GPC5: variants seen among roughly 807,000 people sequenced by gnomAD.
GPC5 encodes glypican-5.
A neutral mutation model predicts 53.9 loss-of-function variants in GPC5; 47 were observed. The observed-to-expected ratio is 0.87, with a 90% confidence interval of 0.69 to 1.11. The LOEUF (loss-of-function observed/expected upper bound fraction) is 1.11, where lower values mean the gene tolerates loss of function less well. GPC5 is among the 50% of genes most tolerant of loss of function. The pLI, the probability that GPC5 is intolerant of heterozygous loss-of-function variation, is 0.00. For synonymous variants in GPC5, 286 were observed against 263.3 expected (o/e 1.09, Z -0.84); for missense variants, 748 against 713.1 (o/e 1.05, Z -0.56).
intron 7 of GPC5, among the ~76,000 whole-genome samples, chr13:92,650,428 C>T (rs1390684137): frequency 6.6e-6 from 1 of 152,094 alleles, no homozygotes; most frequent in African/African-American, 2.4e-5. Context: ...TCACTTAATA[C>T]AAACATGCTT....
At chr13:91,659,444 C>A (rs1031155126) in intron 2 of GPC5, among the ~76,000 whole-genome samples, 1 of 152,098 alleles carries the variant, frequency 6.6e-6, no homozygotes, top group African/African-American at 2.4e-5. Flanking sequence ...TAATGCCAGG[C>A]AGATGGTTGG....
chr13:92,741,072 G>C (rs977843451), intron 7 of GPC5, among the ~76,000 whole-genome samples: 1 of 150,138 alleles, frequency 6.7e-6, no homozygotes, highest in African/African-American at 2.5e-5. Flanking sequence ...TAAAATGTTG[G>C]TGCATGCTAT....
chr13:92,607,398 A>G (rs1280642639), intron 7 of GPC5, among the ~76,000 whole-genome samples: 1 of 152,164 alleles, frequency 6.6e-6, no homozygotes, highest in Admixed American at 6.5e-5. Flanking sequence ...AATAATTTCT[A>G]TTTAGGAAGA....
At chr13:92,318,543 C>T (rs745791287) in intron 7 of GPC5, among the ~76,000 whole-genome samples, 1 of 151,988 alleles carries the variant, frequency 6.6e-6, no homozygotes, top group East Asian at 1.9e-4. Context: ...GTTAAGTATA[C>T]CTAATTTTTT....
chr13:92,770,922 A>G (rs1480998895), intron 7 of GPC5, among the ~76,000 whole-genome samples: 1 of 152,134 alleles, frequency 6.6e-6, no homozygotes, highest in Non-Finnish European at 1.5e-5. Flanking sequence ...TTCATGGGGA[A>G]GATACTCCTC....
At chr13:92,549,731 G>A (rs1025446247) in intron 7 of GPC5, among the ~76,000 whole-genome samples, 2 of 151,920 alleles carry the variant, frequency 1.3e-5, no homozygotes, top group Non-Finnish European at 2.9e-5. Flanking sequence ...TAAGGAGAAA[G>A]TATCCTTCCA....
At chr13:92,370,631 A>C (rs142265307) in intron 7 of GPC5, among the ~76,000 whole-genome samples, 170 of 152,294 alleles carry the variant, frequency 1.1e-3, no homozygotes, top group Middle Eastern at 3.4e-3. Context: ...ATGATTGAAA[A>C]AATAGTAAAT....
intron 7 of GPC5, among the ~76,000 whole-genome samples, chr13:92,155,763 T>A (rs200405530): frequency 6.6e-6 from 1 of 151,830 alleles, no homozygotes; most frequent in Non-Finnish European, 1.5e-5. Context: ...TCTATTTTTT[T>A]GAGATCTCTA....
At chr13:92,782,950 A>G (rs1379477891) in intron 7 of GPC5, among the ~76,000 whole-genome samples, 4 of 152,156 alleles carry the variant, frequency 2.6e-5, no homozygotes, top group Non-Finnish European at 5.9e-5. Context: ...TAGTCAAGGT[A>G]TTTGCTTAGA....
rs9556191 is a variant in GPC5, at chr13:92,559,390, G to T, written c.1562-306892G>T. Among the ~76,000 whole-genome samples, 7 of 150,582 alleles carry T rather than the reference G, an allele frequency of 4.6e-5. No individual in the cohort carries two copies. The East Asian group carries it at 1.2e-3, about 26-fold the overall frequency. ...TGTGTTGGGGTGTGGGGGCGCGGGT[G>T]TACTATTTTCTGCATACTATGATGT... On this transcript the variant is annotated intron_variant, in intron 7 of 7. Transcript: ENST00000377067.
rs1162512397 is a variant in GPC5, at chr13:91,718,382, T to C, written c.1021-10150T>C. On this transcript the variant is annotated intron_variant, in intron 3 of 7. Coordinates refer to ENST00000377067, the MANE Select transcript of GPC5 (RefSeq NM_004466.6). The stretch of plus-strand genomic sequence containing the variant: ...GCTTTGGCCTCCCAAAGTGCTGGGA[T>C]TACAGGCGTGAGCCACTGAGCCTGG... 3.9e-5 allele frequency among the ~76,000 whole-genome samples: 6 copies of C among 151,944 alleles called. 1 individual carries two copies. The highest frequency in any genetic ancestry group is 1.3e-4 in the Admixed American group (2 of 15,264).
intron 6 of GPC5, among the ~76,000 whole-genome samples, chr13:92,048,442 G>A (rs1281473058): frequency 6.6e-6 from 1 of 152,140 alleles, no homozygotes; most frequent in Non-Finnish European, 1.5e-5. Flanking sequence ...ACAGGTTGGA[G>A]GGCAGAGTTT....
Position 92,293,770 on chromosome 13 carries a change from G to C in GPC5, c.1561+148781G>C, listed in dbSNP as rs147006485. Among the ~76,000 whole-genome samples, 3 of 152,172 alleles carry C rather than the reference G, an allele frequency of 2.0e-5. No homozygotes were observed. The East Asian group carries it at 5.8e-4, about 29-fold the overall frequency. ...GAGTGGGCATCCTTGTCTTGTTCCAGTTATCAGAGGGAATGGTTTCAACTT... is the reference window on the plus strand; with the variant it reads ...GAGTGGGCATCCTTGTCTTGTTCCACTTATCAGAGGGAATGGTTTCAACTT... On this transcript the variant is annotated intron_variant, in intron 7 of 7. Coordinates refer to ENST00000377067, the MANE Select transcript of GPC5 (RefSeq NM_004466.6).
intron 6 of GPC5, among the ~76,000 whole-genome samples, chr13:92,071,791 A>T (rs1382172323): frequency 2.0e-5 from 3 of 149,744 alleles, no homozygotes; most frequent in Admixed American, 1.3e-4. Flanking sequence ...AATTTTTTTT[A>T]TCCAATGTGC....
At chr13:92,256,080 C>T (rs548868519) in intron 7 of GPC5, among the ~76,000 whole-genome samples, 646 of 151,838 alleles carry the variant, frequency 4.3e-3, no homozygotes, top group Non-Finnish European at 5.5e-3. Flanking sequence ...ATTGCCGTAT[C>T]TATAATTCTT....
chr13:92,114,514 G>A (rs973896673), intron 6 of GPC5, among the ~76,000 whole-genome samples: 7 of 152,204 alleles, frequency 4.6e-5, no homozygotes, highest in Admixed American at 3.3e-4. Flanking sequence ...GATGAATGGC[G>A]GCAAATAAAT....
intron 6 of GPC5, among the ~76,000 whole-genome samples, chr13:92,124,455 A>G (rs1213006175): frequency 6.6e-6 from 1 of 152,166 alleles, no homozygotes; most frequent in Non-Finnish European, 1.5e-5. Context: ...CATTGCAAAA[A>G]GGAAAAAAAG....
At chr13:91,688,886 G>A (rs1268934270) in intron 2 of GPC5, among the ~76,000 whole-genome samples, 1 of 151,812 alleles carries the variant, frequency 6.6e-6, no homozygotes, top group Non-Finnish European at 1.5e-5. Flanking sequence ...GTGAAAGGAT[G>A]GTATAGACTG....
intron 2 of GPC5, among the ~76,000 whole-genome samples, chr13:91,572,025 GTGTATATATGTGTATATACACACATA>G (rs2031885416): frequency 8.7e-6 from 1 of 115,530 alleles, no homozygotes; most frequent in Non-Finnish European, 1.7e-5. Context: ...GCATATACGT[GTGTATATATGTGTATATACACACATA>G]TGTATATATA....
Sources: gnomAD v4.1 joint callset for allele counts (sites outside exome capture counted in the v4.1 genomes callset) on GRCh38, gnomAD v4.1.1 for gene constraint, MANE v1.5 for transcripts, NCBI Gene and HGNC (gene_info 2026-07-23, HGNC 2026-07-21) for gene names.